The following C3orf20 variants were observed in gnomAD, a reference collection of about 807,000 sequenced individuals.
C3orf20 encodes the protein family with sequence similarity 149 member C.
Under a neutral mutation model 88.3 loss-of-function variants are expected in C3orf20, and 76 were observed. That is an observed-to-expected ratio of 0.86 (90% CI 0.72 to 1.04). C3orf20 has a LOEUF of 1.04. Among genes scored for constraint, C3orf20 ranks in the 50% least tolerant of loss-of-function variants. C3orf20 has a pLI of 0.00. For missense variants in C3orf20, 1,056 were observed against 1,123.3 expected (o/e 0.94, Z 0.86); for synonymous variants, 436 against 437.4 (o/e 1.00, Z 0.04).
chr3:14,677,082 G>T (rs1216483054), intron 1 of C3orf20, among the ~76,000 whole-genome samples: 1 of 152,126 alleles, frequency 6.6e-6, no homozygotes, highest in African/African-American at 2.4e-5. Flanking sequence ...CTCACAAATT[G>T]CAGTCACGCG....
intron 12 of C3orf20, among the ~76,000 whole-genome samples, chr3:14,737,398 A>C (rs1204051325): frequency 6.6e-6 from 1 of 152,222 alleles, no homozygotes; most frequent in Non-Finnish European, 1.5e-5. Flanking sequence ...AATAAAGCAA[A>C]TTGCAATAAA....
chr3:14,698,669 T>C (rs1041146186), intron 5 of C3orf20, among the ~76,000 whole-genome samples: 3 of 152,092 alleles, frequency 2.0e-5, no homozygotes, highest in Non-Finnish European at 4.4e-5. Flanking sequence ...GGGGATGGGG[T>C]TACACAAGTA....
intron 9 of C3orf20, 89 bp from the exon 10 acceptor site, chr3:14,721,564 C>A: frequency 6.5e-7 from 1 of 1,535,900 alleles, no homozygotes; most frequent in Non-Finnish European, 8.8e-7. Flanking sequence ...CCCAAGCCAA[C>A]AGGGGCTTTG....
intron 12 of C3orf20, among the ~76,000 whole-genome samples, chr3:14,733,792 G>A (rs906065168): frequency 2.6e-5 from 4 of 151,838 alleles, no homozygotes; most frequent in Non-Finnish European, 5.9e-5. Context: ...GGGTTCAAGC[G>A]ATTCTCCTGC....
Position 14,772,220 on chromosome 3 carries a change from T to A in C3orf20, c.2630+19T>A. Reference sequence around the variant, plus strand: ...CTGAGAAGTAGGTGACCACATCAGCTGCCAGAATGGGCGTGGCTCACAGCA... The same window carrying A: ...CTGAGAAGTAGGTGACCACATCAGCAGCCAGAATGGGCGTGGCTCACAGCA... On this transcript the variant is annotated intron_variant, in intron 16 of 16. Coordinates refer to ENST00000253697, the MANE Select transcript of C3orf20 (RefSeq NM_032137.5). This position sits in a 1 kb window ranked among gnomAD's most constrained non-coding sequence, Gnocchi z 4.2. 6.2e-7 allele frequency: 1 copy of A among 1,614,216 alleles called. No homozygotes were observed. The highest frequency in any genetic ancestry group is 8.5e-7 in the Non-Finnish European group (1 of 1,180,036).
At chr3:14,759,211 G>A (rs1405729454) in intron 13 of C3orf20, among the ~76,000 whole-genome samples, 1 of 152,198 alleles carries the variant, frequency 6.6e-6, no homozygotes, top group Non-Finnish European at 1.5e-5. Flanking sequence ...CTCTTTCCCT[G>A]ACAGCTAGAA....
chr3:14,745,380 A>C (rs987789918), intron 12 of C3orf20, among the ~76,000 whole-genome samples: 9 of 152,238 alleles, frequency 5.9e-5, no homozygotes, highest in South Asian at 2.1e-4. Context: ...TGCCTATGCA[A>C]GCAAGTGCAA....
At chr3:14,722,384 A>T (rs2034194517) in intron 10 of C3orf20, 1 of 436,496 alleles carries the variant, frequency 2.3e-6, no homozygotes, top group Non-Finnish European at 4.6e-6. Context: ...CTTGAGGCTC[A>T]TGTCCATCCT....
chr3:14,772,753 A>T lies in C3orf20; in HGVS notation c.2631-38A>T. The T allele has an allele frequency of 1.9e-6, 3 of 1,553,218 alleles. No individual in the cohort carries two copies. The highest frequency in any genetic ancestry group is 2.7e-6 in the Non-Finnish European group (3 of 1,125,760). ...CTGGGCTCTGGGCACTGTGAAGAAC[A>T]GCCCTTCCGCCTCCCGGCCCTCTAT... On this transcript the variant is annotated intron_variant, in intron 16 of 16. Coordinates refer to ENST00000253697, the MANE Select transcript of C3orf20 (RefSeq NM_032137.5). This position sits in a 1 kb window ranked among gnomAD's most constrained non-coding sequence, Gnocchi z 4.2.
rs773456600 is a variant in C3orf20 at position 14,713,979 on chromosome 3, G to C, written c.1161-28G>C. 3 of 1,612,914 alleles carry C rather than the reference G, an allele frequency of 1.9e-6. No homozygotes were observed. In the East Asian group the frequency reaches 6.7e-5, roughly 36 times the overall value. ...GAGAGCAGAACCAGGGGAGTTTTCT[G>C]TTAGTTCTACCTGAACATTTCTGCC... On this transcript the variant is annotated intron_variant, in intron 7 of 16. Coordinates refer to ENST00000253697, the MANE Select transcript of C3orf20 (RefSeq NM_032137.5).
rs1216087893 is a variant in C3orf20 at position 14,685,489 on chromosome 3, C to CGTGT, written c.625+1110_625+1111insTGTG. Reference sequence around the variant, plus strand: ...CTCTCTCTCTCTCTCTCTGTGCGTGCGTGCGTGTGTGTGTGTGTGTGTATG... The same window carrying CGTGT: ...CTCTCTCTCTCTCTCTCTGTGCGTGCGTGTGTGCGTGTGTGTGTGTGTGTGTATG... On this transcript the variant is annotated intron_variant, in intron 4 of 16. Transcript: ENST00000253697. 1.9e-3 allele frequency among the ~76,000 whole-genome samples: 245 copies of CGTGT among 126,606 alleles called. 1 individual carries two copies. The highest frequency in any genetic ancestry group is 6.2e-3 in the African/African-American group (193 of 31,166). 83.1% of individuals were successfully genotyped at this position (126,606 alleles called of 152,430 possible).
At chr3:14,706,972 G>A (rs542020121) in intron 7 of C3orf20, among the ~76,000 whole-genome samples, 16 of 152,146 alleles carry the variant, frequency 1.1e-4, no homozygotes, top group South Asian at 1.0e-3. Flanking sequence ...TGTCTGGGCC[G>A]GGCGTGGTGG....
intron 5 of C3orf20, among the ~76,000 whole-genome samples, chr3:14,698,376 T>G (rs2033102947): frequency 6.6e-6 from 1 of 152,232 alleles, no homozygotes; most frequent in South Asian, 2.1e-4. Flanking sequence ...GTTGGGTATT[T>G]ATTGTAGTCT....
At chr3:14,748,127 ATTACTGATTCAATCTTT>A (rs1023617473) in intron 12 of C3orf20, among the ~76,000 whole-genome samples, 1 of 151,560 alleles carries the variant, frequency 6.6e-6, no homozygotes, top group African/African-American at 2.4e-5. Flanking sequence ...GGGGTTTTTG[ATTACTGATTCAATCTTT>A]TTACTTGTTA....
chr3:14,684,661 G>A (rs529828308), intron 4 of C3orf20, among the ~76,000 whole-genome samples: 5 of 152,302 alleles, frequency 3.3e-5, no homozygotes, highest in East Asian at 3.9e-4. Context: ...CTCAAGCTAC[G>A]TGCAGTGAAG....
At chr3:14,749,288 A>G (rs1328645218) in intron 12 of C3orf20, among the ~76,000 whole-genome samples, 1 of 151,618 alleles carries the variant, frequency 6.6e-6, no homozygotes, top group Non-Finnish European at 1.5e-5. Flanking sequence ...TTTTTCCTTT[A>G]GGTTATTATT....
Position 14,701,883 on chromosome 3 carries a change from C to T in C3orf20, c.746-1247C>T, listed in dbSNP as rs1343062174. On this transcript the variant is annotated intron_variant, in intron 5 of 16. Coordinates refer to ENST00000253697, the MANE Select transcript of C3orf20 (RefSeq NM_032137.5). The surrounding 1 kb of genome is among the most constrained non-coding windows in gnomAD (Gnocchi z 4.6). ...CCTGACACATCCATCACAGATGACT[C>T]GCAGTATGAGTAACATCTCTGTTTG... 6.6e-6 allele frequency among the ~76,000 whole-genome samples: 1 copy of T among 152,158 alleles called. No homozygotes were observed. Among genetic ancestry groups the T allele is most frequent in the East Asian group, 1.9e-4 (1 of 5,184 alleles).
intron 10 of C3orf20, 66 bp downstream of exon 10, chr3:14,721,850 A>G (rs1271630965): frequency 1.7e-5 from 27 of 1,595,356 alleles, no homozygotes; most frequent in Admixed American, 6.8e-5. Flanking sequence ...TTGCTGTTTC[A>G]TATCTCAGGG....
In C3orf20 at chr3:14,710,897, CTT is replaced by C. The variant is rs57794141; in HGVS notation, c.1161-3097_1161-3096del. ...GTCCTCTATTTCTTTCTTTCTTTTTCTTTTTTTTTTTTTTGAGGTGGAATCTC... is the reference window on the plus strand; with the variant it reads ...GTCCTCTATTTCTTTCTTTCTTTTTCTTTTTTTTTTTTGAGGTGGAATCTC... On this transcript the variant is annotated intron_variant, in intron 7 of 16. Transcript: ENST00000253697. Among the ~76,000 whole-genome samples the C allele has an allele frequency of 2.5e-3, 339 of 136,350 alleles. 2 individuals carry two copies. The highest frequency in any genetic ancestry group is 4.7e-3 in the African/African-American group (175 of 37,146). The allele number at this position is 136,350 out of a possible 152,430, so 89.5% of individuals were successfully genotyped here.
Sources: gnomAD v4.1 joint callset for allele counts (sites outside exome capture counted in the v4.1 genomes callset) on GRCh38, gnomAD v4.1.1 for gene constraint, Gnocchi (gnomAD v3.1) non-coding constraint, MANE v1.5 for transcripts, NCBI Gene and HGNC (gene_info 2026-07-23, HGNC 2026-07-21) for gene names.